SOBP: variants seen among roughly 807,000 people sequenced by gnomAD.
The protein encoded by SOBP is sine oculis-binding protein homolog.
Under a neutral mutation model 53.6 loss-of-function variants are expected in SOBP, and 4 were observed. The observed-to-expected ratio is 0.07, with a 90% CI of 0.04 to 0.17. The LOEUF (loss-of-function observed/expected upper bound fraction) is 0.17. Among genes scored for constraint, SOBP ranks in the 10% least tolerant of loss-of-function variants. The pLI is 1.00. For synonymous variants in SOBP, 584 were observed against 522.6 expected (o/e 1.12, Z -1.60); for missense variants, 1,088 against 1,204.7 (o/e 0.90, Z 1.43).
At chr6:107,613,739 T>C (rs779404070) in intron 5 of SOBP, among the ~76,000 whole-genome samples, 1 of 152,322 alleles carries the variant, frequency 6.6e-6, no homozygotes, top group East Asian at 1.9e-4. Flanking sequence ...AATGACAAAG[T>C]CAGGATTAGA....
At chr6:107,566,977 C>G (rs1398616961) in intron 4 of SOBP, among the ~76,000 whole-genome samples, 3 of 152,160 alleles carry the variant, frequency 2.0e-5, no homozygotes, top group Non-Finnish European at 4.4e-5. Flanking sequence ...CAGGCAGATA[C>G]CTGCAATGAT....
chr6:107,503,572 T>C (rs1214610117), intron 1 of SOBP, 85 bp from the exon 2 acceptor site: 2 of 1,456,902 alleles, frequency 1.4e-6, no homozygotes, highest in African/African-American at 1.4e-5. Context: ...ATAAATGAGG[T>C]AGGACAAGCA....
At chr6:107,653,131 T>C (rs1392292904) in intron 6 of SOBP, among the ~76,000 whole-genome samples, 4 of 152,144 alleles carry the variant, frequency 2.6e-5, no homozygotes, top group Admixed American at 6.5e-5. Context: ...ATGAGAACAA[T>C]TTCTATCCTG....
chr6:107,521,546 G>A (rs1324244144), intron 3 of SOBP, among the ~76,000 whole-genome samples: 1 of 152,104 alleles, frequency 6.6e-6, no homozygotes, highest in African/African-American at 2.4e-5. Context: ...TCAACTTCAG[G>A]ACCTACACTT....
rs78839544 is a variant in SOBP at position 107,615,651 on chromosome 6, A to G, written c.670-17863A>G. 4.6e-3 allele frequency among the ~76,000 whole-genome samples: 701 copies of G among 152,226 alleles called. 6 individuals carry two copies. The highest frequency in any genetic ancestry group is 0.016 in the African/African-American group (667 of 41,538). On this transcript the variant is annotated intron_variant, in intron 5 of 6. Transcript: ENST00000317357. ...GTGTGTTCCCCAAGGGAAAAATCTG[A>G]TTGTGAGAATCTGGGGAGAGTTCCT...
chr6:107,501,421 C>T (rs1053884610), intron 1 of SOBP, among the ~76,000 whole-genome samples: 10 of 152,156 alleles, frequency 6.6e-5, no homozygotes, highest in African/African-American at 2.4e-4. Flanking sequence ...AGAGGCTAGA[C>T]AGAAACAGGA....
At chr6:107,580,023 T>C (rs537923417) in intron 4 of SOBP, among the ~76,000 whole-genome samples, 2 of 152,268 alleles carry the variant, frequency 1.3e-5, no homozygotes, top group Non-Finnish European at 2.9e-5. Flanking sequence ...ATACATTTGG[T>C]TAAAAGAACA....
At chr6:107,599,050 G>T (rs750549943) in intron 5 of SOBP, among the ~76,000 whole-genome samples, 4 of 152,028 alleles carry the variant, frequency 2.6e-5, no homozygotes, top group Non-Finnish European at 5.9e-5. Flanking sequence ...CTTAAATGTG[G>T]ATAGAGTCTC....
chr6:107,502,782 A>G (rs576053279), intron 1 of SOBP, among the ~76,000 whole-genome samples: 1 of 152,256 alleles, frequency 6.6e-6, no homozygotes, highest in East Asian at 1.9e-4. Flanking sequence ...TTTTTTTGAG[A>G]TGGAGGCTTG....
At chr6:107,512,697 T>C (rs1783206230) in intron 3 of SOBP, among the ~76,000 whole-genome samples, 1 of 152,218 alleles carries the variant, frequency 6.6e-6, no homozygotes, top group African/African-American at 2.4e-5. Context: ...CCCTCTAGTT[T>C]TGGGTTTGCT....
intron 5 of SOBP, among the ~76,000 whole-genome samples, chr6:107,604,048 AT>A (rs1398534776): frequency 6.6e-6 from 1 of 152,096 alleles, no homozygotes; most frequent in East Asian, 1.9e-4. Flanking sequence ...TGTTTCACCT[AT>A]TTTGTCTGTT....
At chr6:107,630,742 C>CGT (rs1770672060) in intron 5 of SOBP, among the ~76,000 whole-genome samples, 1 of 106,220 alleles carries the variant, frequency 9.4e-6, no homozygotes, top group Admixed American at 1.1e-4. Context: ...CACACACACA[C>CGT]ACACTCTGTC....
intron 5 of SOBP, among the ~76,000 whole-genome samples, chr6:107,604,458 G>A (rs542641100): frequency 7.2e-5 from 11 of 152,074 alleles, no homozygotes; most frequent in East Asian, 1.9e-4. Flanking sequence ...TTCACTGCTC[G>A]TCCTGTTCTA....
At chr6:107,545,281 C>T (rs762910476) in intron 4 of SOBP, among the ~76,000 whole-genome samples, 16 of 152,242 alleles carry the variant, frequency 1.1e-4, no homozygotes, top group East Asian at 1.9e-4. Context: ...TATATAGTTA[C>T]GTTAACGTTA....
intron 4 of SOBP, among the ~76,000 whole-genome samples, chr6:107,535,486 G>A (rs115843836): frequency 0.014 from 2,138 of 152,276 alleles, 51 homozygotes; most frequent in African/African-American, 0.049. Flanking sequence ...AGTTGCAGCA[G>A]TTTGGTGTTT....
rs1475358989 is a variant in SOBP at position 107,505,272 on chromosome 6, A to G, written c.236-970A>G. 2.0e-5 allele frequency among the ~76,000 whole-genome samples: 3 copies of G among 151,948 alleles called. No individual in the cohort carries two copies. In the East Asian group the frequency reaches 5.8e-4, roughly 29 times the overall value. ...GTAGCCAGAGAGCTATGCTTGCTGT[A>G]TATCATGTTGTACATGGAAAAAAAG... On this transcript the variant is annotated intron_variant, in intron 2 of 6. Transcript: ENST00000317357.
At chr6:107,535,635 G>GT (rs1380021867) in intron 4 of SOBP, among the ~76,000 whole-genome samples, 100 of 141,690 alleles carry the variant, frequency 7.1e-4, no homozygotes, top group Non-Finnish European at 1.0e-3. Context: ...GTGTGTGTGT[G>GT]TGTTTTTTTT....
At chr6:107,533,348 G>A in intron 3 of SOBP, 111 bp from the exon 4 acceptor site, 11 of 943,502 alleles carry the variant, frequency 1.2e-5, no homozygotes, top group Non-Finnish European at 1.6e-5. Context: ...TCTTCTCCAA[G>A]GTCCAGAAAC....
intron 4 of SOBP, among the ~76,000 whole-genome samples, chr6:107,564,618 A>T (rs1352062025): frequency 3.2e-5 from 4 of 124,532 alleles, no homozygotes; most frequent in Non-Finnish European, 5.3e-5. Flanking sequence ...TGTTTCCCTT[A>T]CTGTCACTAG....
Sources: allele counts gnomAD v4.1 joint callset (sites outside exome capture counted in the v4.1 genomes callset), GRCh38; gene constraint gnomAD v4.1.1; transcripts MANE v1.5; gene names NCBI Gene and HGNC (gene_info 2026-07-23, HGNC 2026-07-21).